The following ARHGAP29 variants were observed in gnomAD, a reference collection of about 807,000 sequenced individuals.
ARHGAP29 encodes the protein rho GTPase-activating protein 29.
Under a neutral mutation model 122.6 loss-of-function variants are expected in ARHGAP29, and 43 were observed. The observed-to-expected ratio is 0.35, with a 90% CI of 0.27 to 0.45. The LOEUF (loss-of-function observed/expected upper bound fraction) is 0.45. ARHGAP29 is among the 20% of genes least tolerant of loss of function. The probability of loss-of-function intolerance (pLI) is 1.00; values close to 1 mark genes in which losing one functional copy is unlikely to be tolerated. For synonymous variants in ARHGAP29, 506 were observed against 497.1 expected (o/e 1.02, Z -0.24); for missense variants, 1,303 against 1,477.2 (o/e 0.88, Z 1.93).
At chr1:94,254,771 A>G (rs1272859045) in intron 1 of ARHGAP29, among the ~76,000 whole-genome samples, 1 of 152,262 alleles carries the variant, frequency 6.6e-6, no homozygotes, top group Admixed American at 6.5e-5. Context: ...AGTGGATTCC[A>G]GAAGGACCCT....
the ARHGAP29 span, among the ~76,000 whole-genome samples, chr1:94,300,389 T>C: frequency 6.6e-6 from 1 of 152,178 alleles, no homozygotes; most frequent in Non-Finnish European, 1.5e-5. Flanking sequence ...CCGTCTCACA[T>C]TCCTGGTGGG....
chr1:94,253,589 T>A (rs570298449), intron 1 of ARHGAP29, among the ~76,000 whole-genome samples: 1 of 152,242 alleles, frequency 6.6e-6, no homozygotes, highest in Non-Finnish European at 1.5e-5. Context: ...AGTGAGGAGC[T>A]TGGGTTGCTC....
At chr1:94,255,650 GC>G (rs1654316038) in intron 1 of ARHGAP29, among the ~76,000 whole-genome samples, 1 of 152,188 alleles carries the variant, frequency 6.6e-6, no homozygotes, top group African/African-American at 2.4e-5. Context: ...CTGGGGTGTG[GC>G]CCAGGATAAG....
At chr1:94,192,383 G>A (rs977629030) in intron 12 of ARHGAP29, 3 of 152,268 alleles carry the variant, frequency 2.0e-5, no homozygotes, top group African/African-American at 7.2e-5. Flanking sequence ...TACAAACTGA[G>A]TGCAGACAGA....
At chr1:94,250,056 A>G (rs1654021968) in intron 1 of ARHGAP29, among the ~76,000 whole-genome samples, 1 of 152,114 alleles carries the variant, frequency 6.6e-6, no homozygotes, top group Admixed American at 6.5e-5. Flanking sequence ...AGTAGAACCA[A>G]ATATGATGGT....
chr1:94,268,790 G>GATAT (rs35386303), intron 1 of ARHGAP29, among the ~76,000 whole-genome samples: 7 of 150,370 alleles, frequency 4.7e-5, no homozygotes, highest in African/African-American at 1.7e-4. Context: ...GGCTCAAGAA[G>GATAT]ATATATATAT....
the ARHGAP29 span, among the ~76,000 whole-genome samples, chr1:94,282,081 C>G: frequency 6.6e-5 from 10 of 152,082 alleles, no homozygotes; most frequent in South Asian, 1.2e-3. Context: ...CATAAAAAAT[C>G]TATGTTTAAA....
chr1:94,175,107 C>T (rs768869608), intron 22 of ARHGAP29, among the ~76,000 whole-genome samples: 2 of 152,116 alleles, frequency 1.3e-5, no homozygotes, highest in Non-Finnish European at 2.9e-5. Flanking sequence ...AGAAAAGTGA[C>T]ACTAATTTAC....
rs146108284 is a variant in ARHGAP29 at position 94,199,460 on chromosome 1, C to T, written c.1281+2260G>A. Among the ~76,000 whole-genome samples the T allele has an allele frequency of 6.4e-3, 982 of 152,254 alleles. 11 individuals carry two copies. The highest frequency in any genetic ancestry group is 0.023 in the African/African-American group (947 of 41,534). ...TTTGACATCTTAAAAAGCATGCTGGCCAATGAGAGACTGACTCTCTCTGGG... is the reference window on the plus strand; with the variant it reads ...TTTGACATCTTAAAAAGCATGCTGGTCAATGAGAGACTGACTCTCTCTGGG... On this transcript the variant is annotated intron_variant, in intron 12 of 22. Coordinates refer to ENST00000260526, the MANE Select transcript of ARHGAP29 (RefSeq NM_004815.4).
intron 8 of ARHGAP29, 63 bp from the exon 9 acceptor site, chr1:94,203,273 C>A: frequency 8.8e-7 from 1 of 1,136,186 alleles, no homozygotes; most frequent in Non-Finnish European, 1.2e-6. Flanking sequence ...CCAAACACAT[C>A]ACTACCCTTC....
chr1:94,220,407 A>G lies in ARHGAP29; in HGVS notation c.206-15T>C. 1 of 1,563,222 alleles carries G rather than the reference A, an allele frequency of 6.4e-7. No homozygotes were observed. Among genetic ancestry groups the G allele is most frequent in the Non-Finnish European group, 8.7e-7 (1 of 1,153,996 alleles). On this transcript the variant is annotated splice_polypyrimidine_tract_variant and intron_variant, in intron 2 of 22. Transcript: ENST00000260526. The stretch of plus-strand genomic sequence containing the variant: ...TTTAAAACAGTCTTTAAAAAGAAAA[A>G]AAAATAATTTATTTCCAGAGCAAAG...
At chr1:94,280,269 T>A in the ARHGAP29 span, among the ~76,000 whole-genome samples, 1 of 152,014 alleles carries the variant, frequency 6.6e-6, no homozygotes, top group Non-Finnish European at 1.5e-5. Context: ...CTCTCCAGGT[T>A]CCTTAACAGT....
intron 1 of ARHGAP29, among the ~76,000 whole-genome samples, chr1:94,234,861 T>C (rs865981584): frequency 3.3e-5 from 5 of 152,200 alleles, no homozygotes; most frequent in Admixed American, 1.3e-4. Flanking sequence ...AATTAGAGAA[T>C]TGGTCACTGT....
Position 94,189,367 on chromosome 1 carries a change from A to G in ARHGAP29, c.1440-15T>C, listed in dbSNP as rs200547155. 228 of 1,594,958 alleles carry G rather than the reference A, an allele frequency of 1.4e-4. 1 individual carries two copies. In the East Asian group the frequency reaches 4.8e-3, roughly 33 times the overall value. On this transcript the variant is annotated splice_polypyrimidine_tract_variant and intron_variant, in intron 13 of 22. Coordinates refer to ENST00000260526, the MANE Select transcript of ARHGAP29 (RefSeq NM_004815.4). ...TATTTACATTTCTGAAACAACAACAATGACAAAAAACAAAACTCAACACTC... is the reference window on the plus strand; with the variant it reads ...TATTTACATTTCTGAAACAACAACAGTGACAAAAAACAAAACTCAACACTC...
intron 1 of ARHGAP29, among the ~76,000 whole-genome samples, chr1:94,272,302 C>A (rs1197641864): frequency 6.6e-6 from 1 of 152,154 alleles, no homozygotes; most frequent in Admixed American, 6.6e-5. Flanking sequence ...GTCCCACTAA[C>A]CTCCTTTTTC....
upstream of ARHGAP29, among the ~76,000 whole-genome samples, chr1:94,275,907 G>T (rs950441243): frequency 2.6e-5 from 4 of 151,844 alleles, no homozygotes; most frequent in Non-Finnish European, 5.9e-5. Flanking sequence ...ACAAATCAGG[G>T]CATTTGGGTA....
the ARHGAP29 span, among the ~76,000 whole-genome samples, chr1:94,295,872 C>T: frequency 6.6e-6 from 1 of 151,904 alleles, no homozygotes; most frequent in Non-Finnish European, 1.5e-5. Flanking sequence ...TGTAGAGAAC[C>T]CTGAGGCAAG....
At chr1:94,286,987 A>G in the ARHGAP29 span, among the ~76,000 whole-genome samples, 2 of 152,174 alleles carry the variant, frequency 1.3e-5, no homozygotes, top group African/African-American at 4.8e-5. Context: ...AGGTAGCATT[A>G]GATCCCACAG....
intron 3 of ARHGAP29, among the ~76,000 whole-genome samples, chr1:94,210,958 G>A (rs1334645647): frequency 6.6e-6 from 1 of 150,628 alleles, no homozygotes; most frequent in Non-Finnish European, 1.5e-5. Flanking sequence ...GATAAAAAGA[G>A]TCATTTATAA....
Sources: allele counts gnomAD v4.1 joint callset (sites outside exome capture counted in the v4.1 genomes callset), GRCh38; gene constraint gnomAD v4.1.1; transcripts MANE v1.5; gene names NCBI Gene and HGNC (gene_info 2026-07-23, HGNC 2026-07-21).